DSE: variants seen among roughly 807,000 people sequenced by gnomAD.
The protein encoded by DSE is dermatan sulfate epimerase, also known as dermatan-sulfate epimerase.
DSE carries 36 observed loss-of-function variants against 84.4 expected under a neutral mutation model. That is an observed-to-expected ratio of 0.43 (90% confidence interval 0.33 to 0.56). The LOEUF (loss-of-function observed/expected upper bound fraction) is 0.56. DSE is among the 20% of genes least tolerant of loss of function. The pLI is 0.06. For missense variants in DSE, 862 were observed against 1,169.6 expected (o/e 0.74, Z 3.84); for synonymous variants, 410 against 430.1 (o/e 0.95, Z 0.58).
chr6:116,339,059 A>G (rs1777434741), intron 2 of DSE, among the ~76,000 whole-genome samples: 1 of 151,452 alleles, frequency 6.6e-6, no homozygotes, highest in Non-Finnish European at 1.5e-5. Context: ...CTCCTGTTCA[A>G]CAGATAAATG....
chr6:116,383,498 A>G (rs190420910), intron 1 of DSE, among the ~76,000 whole-genome samples: 30 of 152,320 alleles, frequency 2.0e-4, no homozygotes, highest in African/African-American at 7.2e-4. Flanking sequence ...AGGACAACTT[A>G]CTCACCTAGA....
intron 2 of DSE, among the ~76,000 whole-genome samples, chr6:116,293,481 T>A (rs1384692152): frequency 1.3e-5 from 2 of 152,046 alleles, no homozygotes; most frequent in East Asian, 3.9e-4. Context: ...CATGATGGTT[T>A]GTTTTTCTTA....
chr6:116,267,949 C>T (rs941275006), intron 2 of DSE, among the ~76,000 whole-genome samples: 6 of 152,162 alleles, frequency 3.9e-5, no homozygotes, highest in African/African-American at 1.4e-4. Flanking sequence ...AGGAAGTCTG[C>T]CCCCATGATT....
chr6:116,291,877 A>T (rs1774300989), intron 2 of DSE, among the ~76,000 whole-genome samples: 1 of 152,172 alleles, frequency 6.6e-6, no homozygotes, highest in Non-Finnish European at 1.5e-5. Flanking sequence ...GAAGTTAAGG[A>T]AGACTGATTT....
At chr6:116,377,113 C>G (rs917577771) in intron 1 of DSE, among the ~76,000 whole-genome samples, 1 of 152,204 alleles carries the variant, frequency 6.6e-6, no homozygotes, top group Non-Finnish European at 1.5e-5. Flanking sequence ...GTTTAAGAAG[C>G]TGTCCTTTAA....
chr6:116,260,173 C>T (rs1324500434), intron 2 of DSE, among the ~76,000 whole-genome samples: 1 of 152,110 alleles, frequency 6.6e-6, no homozygotes, highest in Non-Finnish European at 1.5e-5. Flanking sequence ...TTAATAATAG[C>T]CATTCTGACT....
At chr6:116,296,444 C>T (rs187680499) in intron 2 of DSE, among the ~76,000 whole-genome samples, 14 of 151,820 alleles carry the variant, frequency 9.2e-5, no homozygotes, top group East Asian at 7.7e-4. Flanking sequence ...TATTTTGATG[C>T]GAGGAGAAAG....
intron 1 of DSE, among the ~76,000 whole-genome samples, chr6:116,387,594 G>A (rs1780649805): frequency 6.6e-6 from 1 of 152,072 alleles, no homozygotes; most frequent in Non-Finnish European, 1.5e-5. Context: ...GAGGCATAAT[G>A]GCTAAAATCT....
chr6:116,417,580 G>A lies in DSE; in HGVS notation c.417-8994G>A, dbSNP rs555803517. Among the ~76,000 whole-genome samples, 14 of 152,066 alleles carry A rather than the reference G, an allele frequency of 9.2e-5. No individual in the cohort carries two copies. In the South Asian group the frequency reaches 1.0e-3, roughly 11 times the overall value. On this transcript the variant is annotated intron_variant, in intron 2 of 5. Coordinates refer to ENST00000644252, the MANE Select transcript of DSE (RefSeq NM_013352.4). ...TAATATTTGGGATATTGAATTCACA[G>A]CATTAAAATGAAATTAAGTGGTAAT...
intron 2 of DSE, among the ~76,000 whole-genome samples, chr6:116,303,417 T>TGATGA (rs1775157081): frequency 6.6e-6 from 1 of 152,174 alleles, no homozygotes; most frequent in Non-Finnish European, 1.5e-5. Flanking sequence ...GTAAGCTCAA[T>TGATGA]GATGACACTA....
intron 2 of DSE, among the ~76,000 whole-genome samples, chr6:116,325,716 T>C (rs1251198643): frequency 1.3e-5 from 2 of 152,178 alleles, no homozygotes; most frequent in African/African-American, 4.8e-5. Context: ...ATCTGACTTA[T>C]AGCAAGCATT....
chr6:116,432,966 G>T, intron 4 of DSE: 1 of 200,696 alleles, frequency 5.0e-6, no homozygotes, highest in Non-Finnish European at 1.0e-5. Context: ...TTGAGTTGTG[G>T]GAGAGCTAGT....
chr6:116,259,318 A>G, intron 2 of DSE: 1 of 486,230 alleles, frequency 2.1e-6, no homozygotes, highest in African/African-American at 1.9e-5. Flanking sequence ...ATACCTGTAG[A>G]CTTACCAGTG....
At chr6:116,404,108 A>G (rs756395900) in intron 2 of DSE, among the ~76,000 whole-genome samples, 1 of 152,104 alleles carries the variant, frequency 6.6e-6, no homozygotes, top group Non-Finnish European at 1.5e-5. Flanking sequence ...CAGCCTCCCT[A>G]TACCTTATGA....
chr6:116,325,535 A>C (rs1404342089), intron 2 of DSE, among the ~76,000 whole-genome samples: 1 of 152,136 alleles, frequency 6.6e-6, no homozygotes, highest in Non-Finnish European at 1.5e-5. Flanking sequence ...TTTTAATAAA[A>C]CCTAATGTCC....
chr6:116,313,644 T>G lies in DSE; in HGVS notation c.-54+54677T>G, dbSNP rs542625631. On this transcript the variant is annotated intron_variant, in intron 2 of 3. Transcript: ENST00000430252. ...CCATTAGAGTCACACATAGATCTTT[T>G]GTTTTCATTTTTGTATCTTAAAAGC... Among the ~76,000 whole-genome samples, 96 of 152,254 alleles carry G rather than the reference T, an allele frequency of 6.3e-4. 1 individual carries two copies. Among genetic ancestry groups the G allele is most frequent in the Non-Finnish European group, 2.8e-4 (19 of 68,046 alleles).
At chr6:116,372,712 G>A (rs1476314910) in intron 1 of DSE, among the ~76,000 whole-genome samples, 1 of 152,184 alleles carries the variant, frequency 6.6e-6, no homozygotes, top group African/African-American at 2.4e-5. Flanking sequence ...GTCTGTTCTA[G>A]TAAAAATGGA....
At chr6:116,273,695 C>G (rs73767708) in intron 2 of DSE, among the ~76,000 whole-genome samples, 3 of 152,072 alleles carry the variant, frequency 2.0e-5, no homozygotes, top group South Asian at 2.1e-4. Flanking sequence ...AACGGTACCC[C>G]CCTCAATGAG....
intron 2 of DSE, among the ~76,000 whole-genome samples, chr6:116,338,126 A>G (rs991354478): frequency 1.3e-5 from 2 of 150,748 alleles, no homozygotes; most frequent in South Asian, 4.2e-4. Context: ...GATACTCCGA[A>G]TAACCTTCAT....
Sources: allele counts gnomAD v4.1 joint callset (sites outside exome capture counted in the v4.1 genomes callset), GRCh38; gene constraint gnomAD v4.1.1; transcripts MANE v1.5; gene names NCBI Gene and HGNC (gene_info 2026-07-23, HGNC 2026-07-21).